Variants in SIAH3 observed in about 807,000 individuals in gnomAD.
SIAH3 encodes the protein seven in absentia homolog 3.
SIAH3 carries 9 observed loss-of-function variants against 12.6 expected under a neutral mutation model. The observed-to-expected ratio is 0.72, with a 90% confidence interval of 0.43 to 1.25. The LOEUF (loss-of-function observed/expected upper bound fraction) is 1.25, where lower values mean the gene tolerates loss of function less well. Ranked by LOEUF, SIAH3 falls within the 50% of genes most tolerant of loss-of-function variation. SIAH3 has a pLI of 0.00. For synonymous variants in SIAH3, 154 were observed against 151.1 expected (o/e 1.02, Z -0.14); for missense variants, 390 against 365.4 (o/e 1.07, Z -0.55).
rs1422596855 is a variant in SIAH3, at chr13:45,780,884, C to T, written c.*2499G>A. ...TTAACCTGAGACTCAAATCAAAGAG[C>T]CCTTCAGGAACTGTGAAGCTCAAAT... On this transcript the variant is annotated 3_prime_UTR_variant, in exon 2 of 2. Coordinates refer to ENST00000400405, the MANE Select transcript of SIAH3 (RefSeq NM_198849.3). 2 of 152,152 alleles carry T rather than the reference C, an allele frequency of 1.3e-5. No homozygotes were observed. The highest frequency in any genetic ancestry group is 2.9e-5 in the Non-Finnish European group (2 of 68,036). The allele number at this position is 152,152 out of a possible 1,614,324, so 9.4% of individuals were successfully genotyped here.
intron 1 of SIAH3, among the ~76,000 whole-genome samples, chr13:45,849,210 C>T (rs193088316): frequency 2.6e-5 from 4 of 152,300 alleles, no homozygotes; most frequent in Admixed American, 1.3e-4. Context: ...GCATTAGCAG[C>T]ACTCAACTTG....
chr13:45,801,702 C>T (rs1046539488), intron 1 of SIAH3, among the ~76,000 whole-genome samples: 2 of 152,116 alleles, frequency 1.3e-5, no homozygotes, highest in African/African-American at 4.8e-5. Context: ...GAACTATTAC[C>T]TTGAACCATC....
intron 1 of SIAH3, among the ~76,000 whole-genome samples, chr13:45,788,205 G>T (rs1438828322): frequency 6.6e-6 from 1 of 152,046 alleles, no homozygotes; most frequent in Non-Finnish European, 1.5e-5. Context: ...ATGATCCTTG[G>T]GTGAGTGAGG....
rs569527742 is a variant in SIAH3, at chr13:45,813,965, A to G, written c.136-29908T>C. On this transcript the variant is annotated intron_variant, in intron 1 of 1. Coordinates refer to ENST00000400405, the MANE Select transcript of SIAH3 (RefSeq NM_198849.3). Reference sequence around the variant, plus strand: ...AAAAAATACAGTCCATAGGCCGGGCACAGTGGCTCACGCCTGTAATCCCAG... The same window carrying G: ...AAAAAATACAGTCCATAGGCCGGGCGCAGTGGCTCACGCCTGTAATCCCAG... 2.6e-5 allele frequency among the ~76,000 whole-genome samples: 4 copies of G among 152,314 alleles called. No individual in the cohort carries two copies. In the South Asian group the frequency reaches 8.3e-4, roughly 32 times the overall value.
intron 1 of SIAH3, among the ~76,000 whole-genome samples, chr13:45,837,812 T>C (rs7997844): frequency 0.031 from 4,709 of 152,232 alleles, 249 homozygotes; most frequent in African/African-American, 0.11. Flanking sequence ...AAGCATCTCA[T>C]AGATATGAAT....
At chr13:45,797,869 C>T (rs1162213982) in intron 1 of SIAH3, among the ~76,000 whole-genome samples, 1 of 152,206 alleles carries the variant, frequency 6.6e-6, no homozygotes, top group African/African-American at 2.4e-5. Flanking sequence ...ACATCTCTTT[C>T]TAACACTCTG....
chr13:45,786,627 G>A (rs185076110), intron 1 of SIAH3, among the ~76,000 whole-genome samples: 67 of 152,322 alleles, frequency 4.4e-4, no homozygotes, highest in Non-Finnish European at 7.1e-4. Flanking sequence ...GTAAAACGGC[G>A]TTACAAACTT....
At position 45,783,779 on chromosome 13, in the gene SIAH3, T is replaced by C. The variant is rs1392457266; in HGVS notation, c.414A>G (p.Gly138=). The change falls in exon 2 of 2, where the codon GGA becomes GGG. Residue 138 remains glycine (G), a synonymous_variant. Transcript: ENST00000400405. ...RQIHRVDILQ[G]AEIVFLATDM... ...CCGTGGCCAGGAAGACGATCTCGGCTCCCTGGAGGATGTCAACCCTATGGA... is the reference window on the plus strand; with the variant it reads ...CCGTGGCCAGGAAGACGATCTCGGCCCCCTGGAGGATGTCAACCCTATGGA... 6.8e-6 allele frequency: 11 copies of C among 1,614,000 alleles called. No individual in the cohort carries two copies. Among genetic ancestry groups the C allele is most frequent in the Non-Finnish European group, 9.3e-6 (11 of 1,180,012 alleles).
intron 1 of SIAH3, among the ~76,000 whole-genome samples, chr13:45,809,110 G>T (rs1436447364): frequency 6.6e-6 from 1 of 152,148 alleles, no homozygotes; most frequent in Admixed American, 6.5e-5. Flanking sequence ...TCCTGAAGTG[G>T]ACATAAATCC....
At chr13:45,794,825 T>A (rs957940478) in intron 1 of SIAH3, among the ~76,000 whole-genome samples, 18 of 152,208 alleles carry the variant, frequency 1.2e-4, no homozygotes, top group African/African-American at 4.1e-4. Context: ...TCTAGCTGAC[T>A]GAGGTGTAAG....
intron 1 of SIAH3, among the ~76,000 whole-genome samples, chr13:45,794,785 T>G (rs764926621): frequency 2.6e-5 from 4 of 152,146 alleles, no homozygotes; most frequent in Non-Finnish European, 5.9e-5. Flanking sequence ...GTGTCTTTAT[T>G]AGCAGCGAGA....
At position 45,781,935 on chromosome 13, in the gene SIAH3, C is replaced by T. The variant is rs1950505935; in HGVS notation, c.*1448G>A. On this transcript the variant is annotated 3_prime_UTR_variant, in exon 2 of 2. Coordinates refer to ENST00000400405, the MANE Select transcript of SIAH3 (RefSeq NM_198849.3). Reference sequence around the variant, plus strand: ...AGTAATGTCTGGTTGGCCAAAGGCCCATTTGGCTGTCATGGGAATGTGCTG... The same window carrying T: ...AGTAATGTCTGGTTGGCCAAAGGCCTATTTGGCTGTCATGGGAATGTGCTG... 1.3e-5 allele frequency: 2 copies of T among 152,086 alleles called. No homozygotes were observed. Among genetic ancestry groups the T allele is most frequent in the Admixed American group, 1.3e-4 (2 of 15,252 alleles). The allele number at this position is 152,086 out of a possible 1,614,324, so 9.4% of individuals were successfully genotyped here.
At chr13:45,788,125 A>G (rs1593375106) in intron 1 of SIAH3, among the ~76,000 whole-genome samples, 1 of 152,352 alleles carries the variant, frequency 6.6e-6, no homozygotes, top group East Asian at 1.9e-4. Flanking sequence ...GATGGTGCTC[A>G]GAATAAACAC....
chr13:45,835,512 T>C (rs1343770006), intron 1 of SIAH3, among the ~76,000 whole-genome samples: 2 of 152,224 alleles, frequency 1.3e-5, no homozygotes, highest in Non-Finnish European at 2.9e-5. Flanking sequence ...TATTAACTCA[T>C]TTAGTCCTCA....
At chr13:45,786,178 C>T (rs1211991485) in intron 1 of SIAH3, among the ~76,000 whole-genome samples, 1 of 152,116 alleles carries the variant, frequency 6.6e-6, no homozygotes, top group Non-Finnish European at 1.5e-5. Context: ...TTCCATCAGC[C>T]AGGGTCAGGA....
chr13:45,812,214 T>C (rs1950618700), intron 1 of SIAH3, among the ~76,000 whole-genome samples: 2 of 152,246 alleles, frequency 1.3e-5, no homozygotes, highest in Admixed American at 1.3e-4. Flanking sequence ...TGTGCTCCTA[T>C]GTCCCATGCT....
Position 45,779,921 on chromosome 13 carries a change from T to C in SIAH3, c.*3462A>G. 6.6e-6 allele frequency: 1 copy of C among 152,226 alleles called. No homozygotes were observed. The highest frequency in any genetic ancestry group is 1.9e-4 in the East Asian group (1 of 5,202). The allele number at this position is 152,226 out of a possible 1,614,324, so 9.4% of individuals were successfully genotyped here. A position where few individuals can be genotyped will look rare whatever the true frequency, so the allele number is the denominator to read the frequency against. On this transcript the variant is annotated 3_prime_UTR_variant, in exon 2 of 2. Transcript: ENST00000400405. ...TCCATTTCGGCGTCAACCATGTATG[T>C]AGGCTCAGCCTCAAGGGGAGGAATG...
chr13:45,820,390 G>T (rs1374090103), intron 1 of SIAH3, among the ~76,000 whole-genome samples: 1 of 152,184 alleles, frequency 6.6e-6, no homozygotes, highest in African/African-American at 2.4e-5. Flanking sequence ...GCGGGCCAGG[G>T]GCTGCGTCTC....
Position 45,838,164 on chromosome 13 carries a change from C to A in SIAH3, c.135+13331G>T, listed in dbSNP as rs139695349. Among the ~76,000 whole-genome samples, 801 of 123,410 alleles carry A rather than the reference C, an allele frequency of 6.5e-3. 4 individuals carry two copies. Among genetic ancestry groups the A allele is most frequent in the Non-Finnish European group, 6.7e-3 (382 of 57,026 alleles). The allele number at this position is 123,410 out of a possible 152,430, so 81.0% of individuals were successfully genotyped here. On this transcript the variant is annotated intron_variant, in intron 1 of 1. Transcript: ENST00000400405. ...TCTTCTCATCTGACAGATGAAGTAG[C>A]CAAGGTTAAGTGACTTGCTCAAGAC...
Sources: gnomAD v4.1 joint callset for allele counts (sites outside exome capture counted in the v4.1 genomes callset) on GRCh38, gnomAD v4.1.1 for gene constraint, MANE v1.5 for transcripts, NCBI Gene and HGNC (gene_info 2026-07-23, HGNC 2026-07-21) for gene names.